Variants in PAM observed in about 807,000 individuals in gnomAD.
PAM encodes the protein peptidylglycine alpha-amidating monooxygenase.
PAM carries 72 observed loss-of-function variants against 122.1 expected under a neutral mutation model. The observed-to-expected ratio is 0.59, with a 90% confidence interval of 0.49 to 0.72. The LOEUF (loss-of-function observed/expected upper bound fraction) is 0.72, where lower values mean the gene tolerates loss of function less well. Ranked by LOEUF, PAM falls within the 30% of genes least tolerant of loss-of-function variation. The probability of loss-of-function intolerance (pLI) is 0.00; values close to 1 mark genes in which losing one functional copy is unlikely to be tolerated. For missense variants in PAM, 1,106 were observed against 1,183.7 expected, an observed-to-expected ratio of 0.93 and a Z score of 0.96; for synonymous variants, 389 against 404.4, an observed-to-expected ratio of 0.96 and a Z score of 0.46.
intron 1 of PAM, among the ~76,000 whole-genome samples, chr5:102,767,735 C>G (rs1164853562): frequency 6.6e-6 from 1 of 152,104 alleles, no homozygotes; most frequent in Non-Finnish European, 1.5e-5. Context: ...TCAAGATTTT[C>G]ACTAAACGAA....
At chr5:102,966,915 C>G (rs10515339) in intron 14 of PAM, among the ~76,000 whole-genome samples, 13 of 151,888 alleles carry the variant, frequency 8.6e-5, no homozygotes, top group South Asian at 6.2e-4. Context: ...CTGGAAAGTT[C>G]TGAGAGGTAT....
At chr5:102,813,989 T>A (rs1768797821) in intron 1 of PAM, among the ~76,000 whole-genome samples, 1 of 152,208 alleles carries the variant, frequency 6.6e-6, no homozygotes, top group Non-Finnish European at 1.5e-5. Flanking sequence ...TTGCTTACTG[T>A]TTGTCATAGA....
chr5:103,012,807 G>T (rs1031949893), intron 21 of PAM, among the ~76,000 whole-genome samples: 18 of 149,006 alleles, frequency 1.2e-4, no homozygotes, highest in Non-Finnish European at 2.4e-4. Context: ...AGTGAGCGAA[G>T]ATCGTGCCAC....
intron 7 of PAM, among the ~76,000 whole-genome samples, chr5:102,941,556 C>G (rs1277006496): frequency 1.3e-5 from 2 of 152,110 alleles, no homozygotes; most frequent in Admixed American, 1.3e-4. Context: ...AGCAGATACA[C>G]ATTTGCCATG....
chr5:102,934,352 A>T (rs1752570157), intron 7 of PAM, among the ~76,000 whole-genome samples: 1 of 152,156 alleles, frequency 6.6e-6, no homozygotes, highest in African/African-American at 2.4e-5. Context: ...GTTAGTTCTT[A>T]CCATGATCTT....
intron 3 of PAM, among the ~76,000 whole-genome samples, chr5:102,890,968 T>C (rs1387040649): frequency 6.6e-6 from 1 of 151,912 alleles, no homozygotes; most frequent in East Asian, 1.9e-4. Flanking sequence ...CTTCCTTTTC[T>C]TGAATTATTA....
chr5:102,922,626 T>A (rs1747830121), intron 5 of PAM, among the ~76,000 whole-genome samples: 1 of 152,250 alleles, frequency 6.6e-6, no homozygotes, highest in Admixed American at 6.5e-5. Flanking sequence ...TAAGCCAGTT[T>A]TCTCTGTTAT....
rs556086595 is a variant in PAM, at chr5:102,811,969, A to C, written c.-373-53854A>C. On this transcript the variant is annotated intron_variant, in intron 1 of 25. Coordinates refer to ENST00000438793, the MANE Select transcript of PAM (RefSeq NM_001177306.2). Reference sequence around the variant, plus strand: ...TCACATCAGATGAAGTTAATTAAACAAAACTGATTTGGGACTGCAAAATTT... The same window carrying C: ...TCACATCAGATGAAGTTAATTAAACCAAACTGATTTGGGACTGCAAAATTT... 3.9e-5 allele frequency among the ~76,000 whole-genome samples: 6 copies of C among 152,362 alleles called. No homozygotes were observed. In the East Asian group the frequency reaches 9.6e-4, roughly 24 times the overall value.
intron 3 of PAM, among the ~76,000 whole-genome samples, chr5:102,875,069 A>G (rs1418530129): frequency 1.3e-5 from 2 of 152,112 alleles, no homozygotes; most frequent in Admixed American, 6.5e-5. Flanking sequence ...ATGTGTTTTT[A>G]TGTGTGCAGG....
chr5:102,810,575 A>T (rs1196263164), intron 1 of PAM, among the ~76,000 whole-genome samples: 1 of 152,214 alleles, frequency 6.6e-6, no homozygotes, highest in Non-Finnish European at 1.5e-5. Context: ...TCAGGCCTGT[A>T]TTCCCAGCAC....
intron 3 of PAM, among the ~76,000 whole-genome samples, chr5:102,892,460 G>C (rs549749337): frequency 1.7e-4 from 26 of 151,892 alleles, no homozygotes; most frequent in African/African-American, 4.6e-4. Context: ...TGCATTCTTA[G>C]TGATAGTAAA....
At chr5:102,791,829 T>C (rs1399305599) in intron 1 of PAM, among the ~76,000 whole-genome samples, 1 of 152,140 alleles carries the variant, frequency 6.6e-6, no homozygotes, top group Non-Finnish European at 1.5e-5. Context: ...TAGTTTCACA[T>C]AGCCTGTTTC....
At chr5:103,028,741 C>A in intron 25 of PAM, 146 bp from the exon 26 acceptor site, 1 of 596,896 alleles carries the variant, frequency 1.7e-6, no homozygotes, top group Non-Finnish European at 3.0e-6. Context: ...TAGGATACGT[C>A]TCTGTCTGTT....
intron 10 of PAM, 108 bp downstream of exon 10, chr5:102,949,725 T>C: frequency 2.7e-6 from 2 of 745,464 alleles, no homozygotes; most frequent in East Asian, 5.0e-5. Context: ...ATGAAAGTGA[T>C]TTCATATAAG....
rs571644857 is a variant in PAM, at chr5:102,981,591, T to G, written c.1483+7155T>G. Among the ~76,000 whole-genome samples the G allele has an allele frequency of 7.5e-4, 115 of 152,346 alleles. 1 individual carries two copies. In the South Asian group the frequency reaches 0.023, roughly 30 times the overall value. ...GCCATACAGTAAGTAGGCCAGGCCC[T>G]GTGTGACAGTTGGTGACAAAACCAT... is the stretch of plus-strand genomic sequence containing the variant. On this transcript the variant is annotated intron_variant, in intron 15 of 25. Transcript: ENST00000438793.
At chr5:102,845,422 C>T (rs941661463) in intron 1 of PAM, among the ~76,000 whole-genome samples, 1 of 152,074 alleles carries the variant, frequency 6.6e-6, no homozygotes, top group Non-Finnish European at 1.5e-5. Flanking sequence ...AAAGTGATGC[C>T]GTGTGGTCAG....
chr5:102,755,593 G>A (rs915669420), intron 1 of PAM: 5 of 152,320 alleles, frequency 3.3e-5, no homozygotes, highest in Admixed American at 1.3e-4. Flanking sequence ...CCTCTCTCAC[G>A]ACCCTTCATC....
At position 102,952,391 on chromosome 5, in the gene PAM, T is replaced by C. The variant is rs77950667; in HGVS notation, c.905+1571T>C. On this transcript the variant is annotated intron_variant, in intron 12 of 25. Transcript: ENST00000438793. ...AATAATTCTTGTCTTTTTTAAAATGTGCATTTTGCTTTAAAATAATACCCT... is the reference window on the plus strand; with the variant it reads ...AATAATTCTTGTCTTTTTTAAAATGCGCATTTTGCTTTAAAATAATACCCT... 3.0e-3 allele frequency among the ~76,000 whole-genome samples: 458 copies of C among 152,302 alleles called. 1 individual carries two copies. Among genetic ancestry groups the C allele is most frequent in the African/African-American group, 0.011 (446 of 41,590 alleles).
At chr5:102,885,013 T>C (rs1200177080) in intron 3 of PAM, among the ~76,000 whole-genome samples, 2 of 151,498 alleles carry the variant, frequency 1.3e-5, no homozygotes, top group Non-Finnish European at 2.9e-5. Flanking sequence ...TTCTGAGAGA[T>C]TGGAGTATTT....
Sources: gnomAD v4.1 joint callset for allele counts (sites outside exome capture counted in the v4.1 genomes callset) on GRCh38, gnomAD v4.1.1 for gene constraint, MANE v1.5 for transcripts, NCBI Gene and HGNC (gene_info 2026-07-23, HGNC 2026-07-21) for gene names.